KLHL1: variants seen among roughly 807,000 people sequenced by gnomAD.
KLHL1 encodes kelch like family member 1.
A neutral mutation model predicts 77.7 loss-of-function variants in KLHL1; 47 were observed. That is an observed-to-expected ratio of 0.60 (90% CI 0.48 to 0.77). The LOEUF (loss-of-function observed/expected upper bound fraction) is 0.77, where lower values mean the gene tolerates loss of function less well. Ranked by LOEUF, KLHL1 falls within the 30% of genes least tolerant of loss-of-function variation. KLHL1 has a pLI of 0.00. For synonymous variants in KLHL1, 360 were observed against 325.2 expected (o/e 1.11, Z -1.15); for missense variants, 925 against 910.8 (o/e 1.02, Z -0.20).
In KLHL1 at chr13:70,088,021, A is replaced by G. The variant is rs147264694; in HGVS notation, c.497+19182T>C. ...GATAGGTGCAGCAAATCACCATGGCACATGTTTATCTATGTAATAAACCTG... is the reference window on the plus strand; with the variant it reads ...GATAGGTGCAGCAAATCACCATGGCGCATGTTTATCTATGTAATAAACCTG... On this transcript the variant is annotated intron_variant, in intron 1 of 10. Transcript: ENST00000377844. 4.7e-3 allele frequency among the ~76,000 whole-genome samples: 709 copies of G among 152,262 alleles called. 9 individuals carry two copies. Among genetic ancestry groups the G allele is most frequent in the African/African-American group, 0.016 (671 of 41,544 alleles).
rs79343040 is a variant in KLHL1, at chr13:69,983,391, T to C, written c.498-7589A>G. Among the ~76,000 whole-genome samples the C allele has an allele frequency of 9.1e-3, 1,384 of 152,024 alleles. 23 individuals carry two copies. Among genetic ancestry groups the C allele is most frequent in the African/African-American group, 0.032 (1,312 of 41,426 alleles). On this transcript the variant is annotated intron_variant, in intron 1 of 10. Transcript: ENST00000377844. ...TTATATGGAAAAGATCCCAAATATC[T>C]AAAGCCATTTTGAGTAAAAAAGTAA... is the stretch of plus-strand genomic sequence containing the variant.
intron 4 of KLHL1, among the ~76,000 whole-genome samples, chr13:69,913,173 C>T (rs1882297077): frequency 1.3e-5 from 2 of 152,060 alleles, no homozygotes; most frequent in African/African-American, 4.8e-5. Context: ...TTTTTCATGT[C>T]GTCAACTCAC....
intron 7 of KLHL1, among the ~76,000 whole-genome samples, chr13:69,776,180 A>T (rs1294859138): frequency 6.6e-6 from 1 of 152,162 alleles, no homozygotes; most frequent in Non-Finnish European, 1.5e-5. Flanking sequence ...AAATAAAAAA[A>T]TAATTGTTCT....
In KLHL1 at chr13:69,796,949, T is replaced by C; in HGVS notation, c.1428A>G (p.Ile476Met). 6.2e-7 allele frequency: 1 copy of C among 1,613,916 alleles called. No individual in the cohort carries two copies. The highest frequency in any genetic ancestry group is 8.5e-7 in the Non-Finnish European group (1 of 1,179,790). The change falls in exon 7 of 11, where the codon ATA (isoleucine) becomes ATG (methionine). Residue 476 changes from isoleucine (I) to methionine (M), a missense_variant. Physicochemically the swap from Ile to Met is conservative, Grantham distance 10 (BLOSUM62 1). Transcript: ENST00000377844. ...GMDNNKGATT[I>M]EKYDLRTNLW... Reference sequence around the variant, plus strand: ...GATTTGTTCTCAGATCATATTTCTCTATAGTTGTAGCTCCTGATAAAACAT... The same window carrying C: ...GATTTGTTCTCAGATCATATTTCTCCATAGTTGTAGCTCCTGATAAAACAT...
At chr13:70,019,017 A>AT (rs1885725479) in intron 1 of KLHL1, among the ~76,000 whole-genome samples, 2 of 152,308 alleles carry the variant, frequency 1.3e-5, no homozygotes, top group South Asian at 2.1e-4. Context: ...TACTCACTGT[A>AT]TTTTTTATGT....
At chr13:69,936,670 A>C (rs1445737347) in intron 4 of KLHL1, among the ~76,000 whole-genome samples, 1 of 152,056 alleles carries the variant, frequency 6.6e-6, no homozygotes, top group African/African-American at 2.4e-5. Flanking sequence ...TTTTTAATTA[A>C]GAAAATAAAA....
intron 1 of KLHL1, among the ~76,000 whole-genome samples, chr13:69,984,782 A>G (rs2137304233): frequency 6.6e-6 from 1 of 152,198 alleles, no homozygotes; most frequent in African/African-American, 2.4e-5. Context: ...TATTACCCCA[A>G]ACAATGCCAC....
intron 4 of KLHL1, among the ~76,000 whole-genome samples, chr13:69,917,000 A>G (rs1307548678): frequency 1.3e-5 from 2 of 152,030 alleles, no homozygotes; most frequent in African/African-American, 4.8e-5. Flanking sequence ...AAATAGAAAC[A>G]TGGATGTATA....
chr13:69,819,603 A>G (rs956542808), intron 6 of KLHL1, among the ~76,000 whole-genome samples: 2 of 148,744 alleles, frequency 1.3e-5, no homozygotes, highest in African/African-American at 5.2e-5. Context: ...TAGTCATTCA[A>G]CAAGGAGGTA....
At chr13:69,997,600 C>G (rs2137321262) in intron 1 of KLHL1, among the ~76,000 whole-genome samples, 1 of 150,252 alleles carries the variant, frequency 6.7e-6, no homozygotes, top group South Asian at 2.1e-4. Context: ...AACATAATGT[C>G]TTCCAGATTC....
At chr13:69,958,738 TAA>T (rs59683172) in intron 3 of KLHL1, among the ~76,000 whole-genome samples, 3,634 of 146,330 alleles carry the variant, frequency 0.025, 148 homozygotes, top group African/African-American at 0.085. Flanking sequence ...ACCTTAAAAT[TAA>T]AAAAAAAAAA....
chr13:69,928,085 A>G (rs1228457421), intron 4 of KLHL1, among the ~76,000 whole-genome samples: 1 of 152,178 alleles, frequency 6.6e-6, no homozygotes, highest in African/African-American at 2.4e-5. Context: ...TGGCACCCCC[A>G]TTGTTCCTAT....
chr13:70,089,816 C>T (rs1887631327), intron 1 of KLHL1, among the ~76,000 whole-genome samples: 1 of 152,186 alleles, frequency 6.6e-6, no homozygotes, highest in South Asian at 2.1e-4. Context: ...AAGTGTGAAA[C>T]AAGTCATATT....
chr13:69,833,508 GA>G (rs1225255236), intron 6 of KLHL1, among the ~76,000 whole-genome samples: 1 of 151,786 alleles, frequency 6.6e-6, no homozygotes, highest in Non-Finnish European at 1.5e-5. Flanking sequence ...CTGCTGGTGG[GA>G]ATGTAAACTA....
intron 8 of KLHL1, among the ~76,000 whole-genome samples, chr13:69,736,258 A>G (rs889262043): frequency 6.6e-6 from 1 of 152,226 alleles, no homozygotes; most frequent in Non-Finnish European, 1.5e-5. Flanking sequence ...AAAAGAACAT[A>G]TACAAATGAG....
chr13:69,738,053 C>G (rs931489724), intron 8 of KLHL1, among the ~76,000 whole-genome samples: 1 of 152,154 alleles, frequency 6.6e-6, no homozygotes, highest in African/African-American at 2.4e-5. Context: ...GCCATCTTTG[C>G]TAGTCTGCCG....
chr13:69,993,376 C>T (rs1173507667), intron 1 of KLHL1, among the ~76,000 whole-genome samples: 1 of 152,004 alleles, frequency 6.6e-6, no homozygotes, highest in Non-Finnish European at 1.5e-5. Flanking sequence ...AGCTTCATCC[C>T]CTGTACAGCC....
chr13:69,902,434 T>G, intron 4 of KLHL1, among the ~76,000 whole-genome samples: 1 of 152,292 alleles, frequency 6.6e-6, no homozygotes, highest in South Asian at 2.1e-4. Flanking sequence ...GAAGAGTATT[T>G]TCAGTCAAGT....
At chr13:69,903,272 C>T (rs1384545797) in intron 4 of KLHL1, among the ~76,000 whole-genome samples, 2 of 152,172 alleles carry the variant, frequency 1.3e-5, no homozygotes, top group East Asian at 1.9e-4. Context: ...GAACCCACCA[C>T]ACCCCCACTT....
Sources: gnomAD v4.1 joint callset for allele counts (sites outside exome capture counted in the v4.1 genomes callset) on GRCh38, gnomAD v4.1.1 for gene constraint, MANE v1.5 for transcripts, NCBI Gene and HGNC (gene_info 2026-07-23, HGNC 2026-07-21) for gene names.